The following NEURL3 variants were observed in gnomAD, a reference collection of about 807,000 sequenced individuals.
NEURL3 encodes the protein neuralized E3 ubiquitin protein ligase 3, also known as E3 ubiquitin-protein ligase NEURL3.
NEURL3 carries 19 observed loss-of-function variants against 17.6 expected under a neutral mutation model. The ratio of observed to expected loss-of-function variants is 1.08; its 90% CI spans 0.75 to 1.58. The LOEUF is 1.58. NEURL3 is among the 40% of genes most tolerant of loss of function. The pLI, the probability that NEURL3 is intolerant of heterozygous loss-of-function variation, is 0.00. For missense variants in NEURL3, 342 were observed against 379.6 expected (o/e 0.90, Z 0.82); for synonymous variants, 180 against 161.4 (o/e 1.11, Z -0.87).
At chr2:96,499,327 T>A in intron 3 of NEURL3, 51 bp downstream of exon 3, 1 of 1,592,658 alleles carries the variant, frequency 6.3e-7, no homozygotes, top group South Asian at 1.1e-5. Context: ...CTCCCTCCAC[T>A]CCCAGGTGCT....
At position 96,500,609 on chromosome 2, in the gene NEURL3, C is replaced by T. The variant is rs2065494653; in HGVS notation, c.344G>A (p.Gly115Asp). 2.0e-6 allele frequency: 3 copies of T among 1,523,646 alleles called. No homozygotes were observed. The highest frequency in any genetic ancestry group is 4.1e-5 in the Admixed American group (2 of 48,352). 94.4% of individuals were successfully genotyped at this position (1,523,646 alleles called of 1,614,324 possible). The change falls in exon 2 of 4, where the codon GGC becomes GAC. Residue 115 changes from glycine to aspartate, a missense_variant. Coordinates refer to ENST00000451794, the MANE Select transcript of NEURL3 (RefSeq NM_001285485.2). ...SPTWAAVLPE[G>D]CALTGDLVRF... is the part of the protein sequence containing the mutation. The stretch of plus-strand genomic sequence containing the variant: ...GACCAAGTCCCCAGTGAGCGCGCAG[C>T]CCTCAGGCAGCACGGCCGCCCACGT...
chr2:96,500,820 G>GGCT lies in NEURL3; in HGVS notation c.132_133insAGC (p.Phe44_His45insSer). 1 of 1,528,442 alleles carries GGCT rather than the reference G, an allele frequency of 6.5e-7. No individual in the cohort carries two copies. The highest frequency in any genetic ancestry group is 8.7e-7 in the Non-Finnish European group (1 of 1,143,140). 94.7% of individuals were successfully genotyped at this position (1,528,442 alleles called of 1,614,324 possible). ...CGCTGGCTGAACACGATGCCGTCGT[G>GGCT]GAACGTGGTGCGCCTGTGCGCGATG... is the stretch of plus-strand genomic sequence containing the variant. On this transcript the variant is annotated inframe_insertion, in exon 2 of 4. Coordinates refer to ENST00000451794, the MANE Select transcript of NEURL3 (RefSeq NM_001285485.2).
chr2:96,502,304 C>T (rs2104611313), intron 1 of NEURL3, among the ~76,000 whole-genome samples: 1 of 152,362 alleles, frequency 6.6e-6, no homozygotes, highest in East Asian at 1.9e-4. Context: ...AGCCAGCACA[C>T]ATGGAGAGCC....
At chr2:96,507,514 G>C (rs142682766), upstream of NEURL3, among the ~76,000 whole-genome samples, 38 of 152,268 alleles carry the variant, frequency 2.5e-4, no homozygotes, top group African/African-American at 8.9e-4. Flanking sequence ...GCCCAGACTG[G>C]AGTGCAGTGG....
intron 1 of NEURL3, among the ~76,000 whole-genome samples, chr2:96,503,551 G>T (rs2065530907): frequency 6.6e-6 from 1 of 152,194 alleles, no homozygotes; most frequent in African/African-American, 2.4e-5. Context: ...TGTCTGCATG[G>T]TCATGTCAGC....
rs777375664 is a variant in NEURL3 at position 96,500,635 on chromosome 2, C to T, written c.318G>A (p.Pro106=). Residue 106 remains proline (P), a synonymous_variant, in exon 2 of 4, where the codon CCG becomes CCA. Transcript: ENST00000451794. ...FLCPDLEEQS[P]TWAAVLPEGC... is the part of the protein sequence containing the mutation. ...CCTCAGGCAGCACGGCCGCCCACGT[C>T]GGGCTCTGCTCCTCCAGGTCGGGGC... 2 of 1,518,832 alleles carry T rather than the reference C, an allele frequency of 1.3e-6. No individual in the cohort carries two copies. Among genetic ancestry groups the T allele is most frequent in the South Asian group, 2.5e-5 (2 of 81,054 alleles). The allele number at this position is 1,518,832 out of a possible 1,614,324, so 94.1% of individuals were successfully genotyped here.
chr2:96,505,110 A>C, intron 1 of NEURL3, 149 bp downstream of exon 1: 1 of 829,302 alleles, frequency 1.2e-6, no homozygotes, highest in Non-Finnish European at 1.9e-6. Context: ...CCAAGGTCCC[A>C]TAGCTCAACT....
intron 1 of NEURL3, 94 bp downstream of exon 1, chr2:96,505,162 GACC>G: frequency 6.9e-7 from 1 of 1,456,626 alleles, no homozygotes; most frequent in Non-Finnish European, 9.4e-7. Context: ...ACTTTACACT[GACC>G]ACATCTCTAC....
rs552083745 is a variant in NEURL3, at chr2:96,503,879, A to C, written c.28+1380T>G. ...ACCTGTCCCCAGTGGCTGGGCTGGC[A>C]CAGGGTTCAGATCATCCTGGTGCCC... On this transcript the variant is annotated intron_variant, in intron 1 of 3. Coordinates refer to ENST00000451794, the MANE Select transcript of NEURL3 (RefSeq NM_001285485.2). Among the ~76,000 whole-genome samples, 544 of 152,324 alleles carry C rather than the reference A, an allele frequency of 3.6e-3. 15 individuals carry two copies. The highest frequency in any genetic ancestry group is 5.9e-4 in the Non-Finnish European group (40 of 68,012).
At position 96,505,242 on chromosome 2, in the gene NEURL3, G is replaced by T. The variant is rs1429074566; in HGVS notation, c.28+17C>A. 4 of 1,598,942 alleles carry T rather than the reference G, an allele frequency of 2.5e-6. No individual in the cohort carries two copies. Among genetic ancestry groups the T allele is most frequent in the South Asian group, 1.1e-5 (1 of 91,084 alleles). ...AGTCCAGAGACCAAGCTCCAGGCTT[G>T]CAGGAGGTCTACTTACTGGCCTCGA... On this transcript the variant is annotated intron_variant, in intron 1 of 3. Coordinates refer to ENST00000451794, the MANE Select transcript of NEURL3 (RefSeq NM_001285485.2).
chr2:96,505,201 T>C lies in NEURL3; in HGVS notation c.28+58A>G. The C allele has an allele frequency of 2.5e-6, 4 of 1,590,004 alleles. No individual in the cohort carries two copies. The South Asian group carries it at 3.3e-5, about 13-fold the overall frequency. On this transcript the variant is annotated intron_variant, in intron 1 of 3. Transcript: ENST00000451794. ...TCCAGCAATGACACAGAGCACCCTC[T>C]GCTACCTGTACCCCCAGTCCAGAGA...
Position 96,498,530 on chromosome 2 carries a change from A to C in NEURL3, c.587-84T>G. 1 of 1,170,102 alleles carries C rather than the reference A, an allele frequency of 8.5e-7. No homozygotes were observed. The highest frequency in any genetic ancestry group is 1.5e-5 in the South Asian group (1 of 66,010). The allele number at this position is 1,170,102 out of a possible 1,614,324, so 72.5% of individuals were successfully genotyped here. ...ACAATGTGACCACAGAGAATGACAG[A>C]GAAACATGTAGCTATATTTTGAAGA... On this transcript the variant is annotated intron_variant, in intron 3 of 3. Coordinates refer to ENST00000451794, the MANE Select transcript of NEURL3 (RefSeq NM_001285485.2). The surrounding 1 kb of genome is among the most constrained non-coding windows in gnomAD (Gnocchi z 4.4).
Position 96,503,416 on chromosome 2 carries a change from C to G in NEURL3, c.28+1843G>C. Among the ~76,000 whole-genome samples, 2 of 152,168 alleles carry G rather than the reference C, an allele frequency of 1.3e-5. 1 individual carries two copies. The highest frequency in any genetic ancestry group is 2.9e-5 in the Non-Finnish European group (2 of 68,000). ...ACAGGTCATTCCGCAGCCGGGGCAT[C>G]TAAGCAGCCTCCTCTGTGCTGCTCA... On this transcript the variant is annotated intron_variant, in intron 1 of 3. Coordinates refer to ENST00000451794, the MANE Select transcript of NEURL3 (RefSeq NM_001285485.2).
chr2:96,506,174 C>T (rs545898239), upstream of NEURL3, among the ~76,000 whole-genome samples: 1 of 152,300 alleles, frequency 6.6e-6, no homozygotes, highest in East Asian at 1.9e-4. Flanking sequence ...TGCAGATTGA[C>T]TCAGAAAGCC....
chr2:96,503,007 G>A (rs2065524773), intron 1 of NEURL3, among the ~76,000 whole-genome samples: 1 of 152,248 alleles, frequency 6.6e-6, no homozygotes, highest in African/African-American at 2.4e-5. Context: ...CAGCAGAGAT[G>A]AGCCCGTGCT....
At chr2:96,499,206 C>T (rs3731939) in intron 3 of NEURL3, 172 bp downstream of exon 3, 60,863 of 1,404,426 alleles carry the variant, frequency 0.043, 4,711 homozygotes, top group African/African-American at 0.27. Flanking sequence ...GGCAAATGCT[C>T]TCGAAGGCAG....
At position 96,498,150 on chromosome 2, in the gene NEURL3, C is replaced by A. The variant is rs1253939102; in HGVS notation, c.*94G>T. The A allele has an allele frequency of 9.3e-6, 12 of 1,293,406 alleles. No homozygotes were observed. The highest frequency in any genetic ancestry group is 1.2e-5 in the Non-Finnish European group (12 of 968,892). 80.1% of individuals were successfully genotyped at this position (1,293,406 alleles called of 1,614,324 possible). A position where few individuals can be genotyped will look rare whatever the true frequency, so the allele number is the denominator to read the frequency against. On this transcript the variant is annotated 3_prime_UTR_variant, in exon 4 of 4. Transcript: ENST00000451794. The surrounding 1 kb of genome is among the most constrained non-coding windows in gnomAD (Gnocchi z 4.4). Reference sequence around the variant, plus strand: ...TGCTAATCAGCCTTTCTGACTCTTCCCCAGAAAGAAGGTAGGGCTGCGCCT... The same window carrying A: ...TGCTAATCAGCCTTTCTGACTCTTCACCAGAAAGAAGGTAGGGCTGCGCCT...
chr2:96,506,104 C>T (rs1039354830), upstream of NEURL3, among the ~76,000 whole-genome samples: 30 of 152,208 alleles, frequency 2.0e-4, no homozygotes, highest in African/African-American at 6.8e-4. Flanking sequence ...CTTACTCTAA[C>T]CTAGTGCTCC....
chr2:96,500,839 C>A lies in NEURL3; in HGVS notation c.114G>T (p.Ala38=), dbSNP rs759350292. Residue 38 remains alanine (A), a synonymous_variant, in exon 2 of 4, where the codon GCG becomes GCT. Coordinates refer to ENST00000451794, the MANE Select transcript of NEURL3 (RefSeq NM_001285485.2). ...CGTCGTGGAACGTGGTGCGCCTGTG[C>A]GCGATGCAGCCACGCGTGTCCAGAC... is the stretch of plus-strand genomic sequence containing the variant. The part of the protein sequence containing the change: ...QVRLDTRGCI[A]HRRTTFHDGI... The A allele has an allele frequency of 5.9e-6, 9 of 1,531,456 alleles. No homozygotes were observed. The highest frequency in any genetic ancestry group is 2.3e-4 in the Middle Eastern group (1 of 4,402). 94.9% of individuals were successfully genotyped at this position (1,531,456 alleles called of 1,614,324 possible). A position where few individuals can be genotyped will look rare whatever the true frequency, so the allele number is the denominator to read the frequency against.
Sources: gnomAD v4.1 joint callset for allele counts (sites outside exome capture counted in the v4.1 genomes callset) on GRCh38, gnomAD v4.1.1 for gene constraint, Gnocchi (gnomAD v3.1) non-coding constraint, MANE v1.5 for transcripts, NCBI Gene and HGNC (gene_info 2026-07-23, HGNC 2026-07-21) for gene names.